Variants in NAALADL2 observed in about 807,000 individuals in gnomAD.
NAALADL2 encodes the protein N-acetylated alpha-linked acidic dipeptidase like 2.
A neutral mutation model predicts 87.2 loss-of-function variants in NAALADL2; 76 were observed. The observed-to-expected ratio is 0.87, with a 90% CI of 0.72 to 1.05. The LOEUF is 1.05. Among genes scored for constraint, NAALADL2 ranks in the 50% least tolerant of loss-of-function variants. NAALADL2 has a pLI of 0.00. For synonymous variants in NAALADL2, 354 were observed against 331.0 expected (o/e 1.07, Z -0.75); for missense variants, 1,089 against 945.8 (o/e 1.15, Z -1.99).
chr3:175,749,576 A>G (rs764171981), intron 12 of NAALADL2, among the ~76,000 whole-genome samples: 1 of 152,142 alleles, frequency 6.6e-6, no homozygotes, highest in Non-Finnish European at 1.5e-5. Flanking sequence ...CCCACTCCTG[A>G]AAGCCACTTT....
chr3:174,894,619 A>AGTG (rs2109815265), intron 1 of NAALADL2, among the ~76,000 whole-genome samples: 1 of 78,730 alleles, frequency 1.3e-5, no homozygotes, highest in East Asian at 5.5e-4. Flanking sequence ...AAAAAAAAAA[A>AGTG]AAAAAAAAAA....
At chr3:175,753,906 A>G (rs1052124919) in intron 12 of NAALADL2, among the ~76,000 whole-genome samples, 3 of 152,136 alleles carry the variant, frequency 2.0e-5, no homozygotes, top group African/African-American at 7.2e-5. Flanking sequence ...TAGGTTATCC[A>G]GCTCTACTTT....
chr3:175,263,647 T>C (rs1286591487), intron 4 of NAALADL2, among the ~76,000 whole-genome samples: 1 of 151,778 alleles, frequency 6.6e-6, no homozygotes, highest in Admixed American at 6.6e-5. Context: ...GTTAACAATA[T>C]TAAATAAAGG....
chr3:175,642,744 C>T (rs973641680), intron 11 of NAALADL2, among the ~76,000 whole-genome samples: 13 of 152,272 alleles, frequency 8.5e-5, no homozygotes, highest in African/African-American at 2.9e-4. Flanking sequence ...TCGTGATCCT[C>T]CCGCCTCGGC....
intron 1 of NAALADL2, among the ~76,000 whole-genome samples, chr3:174,924,405 G>A (rs1251227282): frequency 6.6e-6 from 1 of 151,888 alleles, no homozygotes; most frequent in African/African-American, 2.4e-5. Context: ...CCTTTTTTAT[G>A]GCTGCATAGT....
At chr3:174,600,444 T>C (rs1021476808) in intron 2 of NAALADL2, among the ~76,000 whole-genome samples, 1 of 152,146 alleles carries the variant, frequency 6.6e-6, no homozygotes, top group African/African-American at 2.4e-5. Flanking sequence ...TTTTCAGATA[T>C]ATATATTGAT....
chr3:174,498,064 A>T (rs1419612699), intron 1 of NAALADL2, among the ~76,000 whole-genome samples: 1 of 152,138 alleles, frequency 6.6e-6, no homozygotes, highest in Non-Finnish European at 1.5e-5. Flanking sequence ...AGGAAAGGGC[A>T]TATATTTAAA....
intron 4 of NAALADL2, among the ~76,000 whole-genome samples, chr3:175,291,126 G>A (rs1285779686): frequency 6.6e-6 from 1 of 151,830 alleles, no homozygotes; most frequent in East Asian, 1.9e-4. Context: ...TGTCTATTTG[G>A]TTCGCCAATA....
At chr3:175,725,591 C>T (rs1332703531) in intron 11 of NAALADL2, among the ~76,000 whole-genome samples, 1 of 151,996 alleles carries the variant, frequency 6.6e-6, no homozygotes, top group African/African-American at 2.4e-5. Flanking sequence ...TAAATATTGG[C>T]CACTGGTATT....
At chr3:174,569,281 CATT>C (rs1714645376) in intron 2 of NAALADL2, among the ~76,000 whole-genome samples, 1 of 151,664 alleles carries the variant, frequency 6.6e-6, no homozygotes. Flanking sequence ...GATCCAAGGA[CATT>C]ATTAAATTTA....
intron 1 of NAALADL2, among the ~76,000 whole-genome samples, chr3:174,468,612 C>T (rs1305251529): frequency 6.6e-6 from 1 of 151,600 alleles, no homozygotes; most frequent in African/African-American, 2.4e-5. Flanking sequence ...AACTCCTGAC[C>T]TCAGGTGATC....
At chr3:175,183,573 T>C (rs1736914809) in intron 2 of NAALADL2, among the ~76,000 whole-genome samples, 2 of 152,128 alleles carry the variant, frequency 1.3e-5, no homozygotes, top group African/African-American at 4.8e-5. Flanking sequence ...TAAATTCTTT[T>C]TCTGCATTTA....
intron 2 of NAALADL2, among the ~76,000 whole-genome samples, chr3:175,159,373 G>C (rs1732791006): frequency 6.6e-6 from 1 of 152,148 alleles, no homozygotes; most frequent in Non-Finnish European, 1.5e-5. Flanking sequence ...GTGTGTCTGA[G>C]CCTATAAAGA....
intron 2 of NAALADL2, among the ~76,000 whole-genome samples, chr3:174,566,986 C>G (rs539263167): frequency 5.9e-5 from 9 of 151,520 alleles, no homozygotes; most frequent in African/African-American, 2.2e-4. Flanking sequence ...ACTGTTGTGG[C>G]CATTTCAATA....
intron 4 of NAALADL2, among the ~76,000 whole-genome samples, chr3:175,260,775 G>T (rs773084848): frequency 2.6e-5 from 4 of 152,114 alleles, no homozygotes; most frequent in South Asian, 2.1e-4. Context: ...CTACATCCGA[G>T]CTAGGGAGGG....
At chr3:174,641,654 A>G (rs1474985002) in intron 2 of NAALADL2, among the ~76,000 whole-genome samples, 1 of 152,192 alleles carries the variant, frequency 6.6e-6, no homozygotes, top group East Asian at 1.9e-4. Flanking sequence ...GCTGTCATGG[A>G]AAGTACTGGG....
At chr3:175,232,158 AGGGG>A (rs1245299694) in intron 2 of NAALADL2, among the ~76,000 whole-genome samples, 1 of 149,554 alleles carries the variant, frequency 6.7e-6, no homozygotes, top group Non-Finnish European at 1.5e-5. Flanking sequence ...AGGAAGAAGA[AGGGG>A]GAGGAGGAGG....
At chr3:175,278,225 A>G (rs1420847450) in intron 4 of NAALADL2, among the ~76,000 whole-genome samples, 1 of 152,224 alleles carries the variant, frequency 6.6e-6, no homozygotes, top group Non-Finnish European at 1.5e-5. Flanking sequence ...GGTGTTGTTC[A>G]TTGTTCTCCA....
chr3:175,142,428 CT>C (rs1266654721), intron 2 of NAALADL2, among the ~76,000 whole-genome samples: 1 of 151,968 alleles, frequency 6.6e-6, no homozygotes, highest in East Asian at 1.9e-4. Flanking sequence ...TATATATTAT[CT>C]TAATCCTCTC....
Sources: gnomAD v4.1 joint callset for allele counts (sites outside exome capture counted in the v4.1 genomes callset) on GRCh38, gnomAD v4.1.1 for gene constraint, MANE v1.5 for transcripts, NCBI Gene and HGNC (gene_info 2026-07-23, HGNC 2026-07-21) for gene names.